The following SLIT1 variants were observed in gnomAD, a reference collection of about 807,000 sequenced individuals.
SLIT1 encodes slit homolog 1 protein.
In SLIT1, 66 loss-of-function variants were observed where a neutral mutation model predicts 186.1. The ratio of observed to expected loss-of-function variants is 0.35; its 90% CI spans 0.29 to 0.44. The LOEUF is 0.44. Ranked by LOEUF, SLIT1 falls within the 20% of genes least tolerant of loss-of-function variation. The pLI is 1.00. For synonymous variants in SLIT1, 761 were observed against 833.8 expected, an observed-to-expected ratio of 0.91 and a Z score of 1.50; for missense variants, 1,638 against 2,037.4, an observed-to-expected ratio of 0.80 and a Z score of 3.77.
intron 13 of SLIT1, among the ~76,000 whole-genome samples, chr10:97,053,459 A>G (rs1011554670): frequency 6.6e-6 from 1 of 152,092 alleles, no homozygotes; most frequent in Non-Finnish European, 1.5e-5. Flanking sequence ...TTTGTGGCTG[A>G]CATCTCTGGT....
At position 97,049,039 on chromosome 10, in the gene SLIT1, T is replaced by A; in HGVS notation, c.1381A>T (p.Thr461Ser). Residue 461 changes from threonine (T) to serine (S), a missense_variant, in exon 14 of 37, where the codon ACG becomes TCG. By Grantham distance (58) the Thr-to-Ser change is moderately conservative. Transcript: ENST00000266058. ...ADFLRTNPIE[T>S]SGARCASPRR... Reference sequence around the variant, plus strand: ...GGACTGGCACAGCGGGCACCACTCGTCTCGATGGGATTGGTGCGCAGGAAG... The same window carrying A: ...GGACTGGCACAGCGGGCACCACTCGACTCGATGGGATTGGTGCGCAGGAAG... 6.2e-7 allele frequency: 1 copy of A among 1,612,504 alleles called. No homozygotes were observed. The highest frequency in any genetic ancestry group is 8.5e-7 in the Non-Finnish European group (1 of 1,179,660).
intron 20 of SLIT1, 76 bp from the exon 21 acceptor site, chr10:97,040,196 C>A (rs907970163): frequency 7.1e-7 from 1 of 1,402,630 alleles, no homozygotes; most frequent in Non-Finnish European, 9.4e-7. Context: ...CAGGGCCATG[C>A]TCTGGGGCCT....
At chr10:97,158,121 C>A (rs1236991067) in intron 3 of SLIT1, among the ~76,000 whole-genome samples, 1 of 152,138 alleles carries the variant, frequency 6.6e-6, no homozygotes, top group African/African-American at 2.4e-5. Context: ...CTGCGGAAGC[C>A]CCTCACCAGC....
chr10:97,163,618 G>A (rs529648741), intron 2 of SLIT1, among the ~76,000 whole-genome samples, 167 bp from the exon 3 acceptor site: 14 of 152,338 alleles, frequency 9.2e-5, no homozygotes, highest in East Asian at 1.9e-4. Context: ...TGGCCTGAGC[G>A]GACTCAATTT....
At chr10:97,018,551 C>T in intron 28 of SLIT1, 35 bp downstream of exon 28, 1 of 1,354,408 alleles carries the variant, frequency 7.4e-7, no homozygotes. Context: ...GGCCCATCAG[C>T]ACTCACCAGG....
At chr10:97,065,933 C>T in intron 5 of SLIT1, 82 bp downstream of exon 5, 1 of 1,058,662 alleles carries the variant, frequency 9.4e-7, no homozygotes, top group Non-Finnish European at 1.4e-6. Context: ...GACCACACGG[C>T]TCGCTCAGGG....
chr10:97,099,427 G>T (rs1324430397), intron 4 of SLIT1, among the ~76,000 whole-genome samples: 1 of 148,972 alleles, frequency 6.7e-6, no homozygotes, highest in Non-Finnish European at 1.5e-5. Context: ...AGTCAAAATT[G>T]CACAAAGAGA....
intron 1 of SLIT1, among the ~76,000 whole-genome samples, chr10:97,171,408 T>C (rs2817664): frequency 0.73 from 111,649 of 152,016 alleles, 41,847 homozygotes; most frequent in Non-Finnish European, 0.82. Context: ...CCTTGGCCCC[T>C]CTCCAATCTG....
intron 4 of SLIT1, among the ~76,000 whole-genome samples, chr10:97,132,005 T>C (rs1849659062): frequency 6.6e-6 from 1 of 152,186 alleles, no homozygotes; most frequent in Admixed American, 6.5e-5. Flanking sequence ...TGTAGAACTG[T>C]TTTTAATCAG....
At position 97,004,901 on chromosome 10, in the gene SLIT1, C is replaced by T. The variant is rs1486966005; in HGVS notation, c.3580-78G>A. 9 of 1,551,844 alleles carry T rather than the reference C, an allele frequency of 5.8e-6. No homozygotes were observed. The highest frequency in any genetic ancestry group is 7.1e-6 in the Non-Finnish European group (8 of 1,128,380). On this transcript the variant is annotated intron_variant, in intron 32 of 36. Coordinates refer to ENST00000266058, the MANE Select transcript of SLIT1 (RefSeq NM_003061.3). This position sits in a 1 kb window ranked among gnomAD's most constrained non-coding sequence, Gnocchi z 5.1. Reference sequence around the variant, plus strand: ...AGGCTAGCAGATGGGGCAGAGAGGGCACCCAAGATTGGAAGAGAGATGCTC... The same window carrying T: ...AGGCTAGCAGATGGGGCAGAGAGGGTACCCAAGATTGGAAGAGAGATGCTC...
chr10:97,108,874 G>C (rs1223632752), intron 4 of SLIT1, among the ~76,000 whole-genome samples: 3 of 113,896 alleles, frequency 2.6e-5, no homozygotes, highest in Non-Finnish European at 5.0e-5. Context: ...GTGACAGAGT[G>C]AGTCTCAGTC....
rs1848871256 is a variant in SLIT1, at chr10:97,059,445, G to A, written c.1085+15C>T. On this transcript the variant is annotated intron_variant, in intron 11 of 36. Transcript: ENST00000266058. Reference sequence around the variant, plus strand: ...TGCCCTGGGCCACTGAGGAAGCCTTGGCACTGCTACTCACAGCGAGTTCAG... The same window carrying A: ...TGCCCTGGGCCACTGAGGAAGCCTTAGCACTGCTACTCACAGCGAGTTCAG... 6.2e-7 allele frequency: 1 copy of A among 1,610,644 alleles called. No individual in the cohort carries two copies. Among genetic ancestry groups the A allele is most frequent in the Admixed American group, 1.7e-5 (1 of 60,004 alleles).
intron 25 of SLIT1, among the ~76,000 whole-genome samples, chr10:97,025,851 T>TCATC (rs1848540396): frequency 6.6e-6 from 1 of 152,192 alleles, no homozygotes; most frequent in South Asian, 2.1e-4. Flanking sequence ...AGTCACAGAA[T>TCATC]CATCCATCCC....
chr10:97,135,735 G>A (rs931888810), intron 4 of SLIT1, among the ~76,000 whole-genome samples: 7 of 152,352 alleles, frequency 4.6e-5, no homozygotes, highest in Admixed American at 3.9e-4. Flanking sequence ...AGGAGGGGCT[G>A]CAGAAGGGGA....
chr10:97,093,580 A>G (rs1198702134), intron 4 of SLIT1, among the ~76,000 whole-genome samples: 1 of 152,238 alleles, frequency 6.6e-6, no homozygotes, highest in Non-Finnish European at 1.5e-5. Context: ...GATGGAAGAT[A>G]AAGCTTAAGA....
At chr10:97,052,108 T>TG (rs200449263) in intron 13 of SLIT1, among the ~76,000 whole-genome samples, 8,268 of 149,562 alleles carry the variant, frequency 0.055, 363 homozygotes, top group South Asian at 0.12. Context: ...TTGTTTGTTT[T>TG]TTTTTTTTTT....
chr10:97,056,575 C>G, intron 12 of SLIT1, 111 bp from the exon 13 acceptor site: 1 of 1,204,068 alleles, frequency 8.3e-7, no homozygotes. Flanking sequence ...GGGAGGAGCC[C>G]ATCGGAGCAG....
rs776922564 is a variant in SLIT1 at position 97,002,762 on chromosome 10, C to A, written c.4096G>T (p.Ala1366Ser). ...TCACAGTGCAGGCCCACCCAGCCAG[C>A]CTCGCAGTGGCACATGGGCCCTGGG... ...ATPGPMCHCEAGWVGLHCDQP... is the reference protein window; with the variant it reads ...ATPGPMCHCESGWVGLHCDQP... Residue 1366 changes from alanine (A) to serine (S), a missense_variant, in exon 35 of 37, where the codon GCT (alanine) becomes TCT (serine). This residue lies in a region of SLIT1 where 173 missense variants were observed against 290.9 expected (regional missense o/e 0.59). Transcript: ENST00000266058. 1 of 1,611,244 alleles carries A rather than the reference C, an allele frequency of 6.2e-7. No homozygotes were observed. Among genetic ancestry groups the A allele is most frequent in the African/African-American group, 1.3e-5 (1 of 74,908 alleles).
intron 1 of SLIT1, among the ~76,000 whole-genome samples, chr10:97,179,104 AC>A (rs1394434910): frequency 4.6e-5 from 7 of 152,092 alleles, no homozygotes; most frequent in African/African-American, 1.4e-4. Context: ...CCCTACCTCC[AC>A]AACACAACAA....
Sources: allele counts gnomAD v4.1 joint callset (sites outside exome capture counted in the v4.1 genomes callset), GRCh38; gene constraint gnomAD v4.1.1; regional missense constraint gnomAD v4.1.1; non-coding constraint Gnocchi (gnomAD v3.1); transcripts MANE v1.5; gene names NCBI Gene and HGNC (gene_info 2026-07-23, HGNC 2026-07-21).